TENM2: variants seen among roughly 807,000 people sequenced by gnomAD.
The protein encoded by TENM2 is teneurin-2.
TENM2 carries 52 observed loss-of-function variants against 245.2 expected under a neutral mutation model. That is an observed-to-expected ratio of 0.21 (90% CI 0.17 to 0.27). The LOEUF is 0.27. Among genes scored for constraint, TENM2 ranks in the 10% least tolerant of loss-of-function variants. The pLI is 1.00. For missense variants in TENM2, 3,046 were observed against 3,666.8 expected (o/e 0.83, Z 4.37); for synonymous variants, 1,363 against 1,438.9 (o/e 0.95, Z 1.19).
intron 2 of TENM2, among the ~76,000 whole-genome samples, chr5:167,437,309 G>A (rs1053113153): frequency 5.3e-5 from 8 of 152,156 alleles, no homozygotes; most frequent in African/African-American, 1.7e-4. Context: ...GCCAGATTTC[G>A]GACTTGCATA....
At chr5:167,521,393 A>G (rs1218160151) in intron 2 of TENM2, among the ~76,000 whole-genome samples, 2 of 152,188 alleles carry the variant, frequency 1.3e-5, no homozygotes, top group Non-Finnish European at 2.9e-5. Context: ...ATTTTGAATT[A>G]GGGCATATCC....
At chr5:168,212,601 G>A (rs1415228399) in intron 20 of TENM2, among the ~76,000 whole-genome samples, 1 of 152,174 alleles carries the variant, frequency 6.6e-6, no homozygotes, top group African/African-American at 2.4e-5. Flanking sequence ...TAGACAAAAA[G>A]TAGAGTCAAA....
chr5:167,696,428 A>G (rs138936380), intron 2 of TENM2, among the ~76,000 whole-genome samples: 1,675 of 152,298 alleles, frequency 0.011, 26 homozygotes, highest in Non-Finnish European at 0.013. Context: ...TAGTAGTTCC[A>G]TTGTCTCCCT....
chr5:168,208,340 G>A (rs1044685159), intron 19 of TENM2, among the ~76,000 whole-genome samples: 2 of 151,754 alleles, frequency 1.3e-5, no homozygotes, highest in African/African-American at 2.4e-5. Flanking sequence ...CAACTAAACC[G>A]CTTCTCCATG....
intron 3 of TENM2, among the ~76,000 whole-genome samples, chr5:167,890,514 T>C (rs1583291410): frequency 6.6e-6 from 1 of 152,204 alleles, no homozygotes; most frequent in Non-Finnish European, 1.5e-5. Flanking sequence ...CTGCTTGGTA[T>C]TATTTTTAAA....
At chr5:168,199,599 A>T (rs943730234) in intron 16 of TENM2, among the ~76,000 whole-genome samples, 4 of 152,236 alleles carry the variant, frequency 2.6e-5, no homozygotes, top group Admixed American at 2.0e-4. Flanking sequence ...TCTTTTGCCA[A>T]CAGTGTGGCT....
chr5:168,064,716 T>C (rs2152106412), intron 7 of TENM2, among the ~76,000 whole-genome samples: 1 of 152,266 alleles, frequency 6.6e-6, no homozygotes, highest in South Asian at 2.1e-4. Context: ...GGAAGGGAAA[T>C]GAATAGGCAT....
chr5:168,158,190 G>T (rs933545219), intron 12 of TENM2, among the ~76,000 whole-genome samples: 2 of 151,980 alleles, frequency 1.3e-5, no homozygotes, highest in Admixed American at 6.6e-5. Flanking sequence ...CCCAAAGTGG[G>T]TTTTTTTAAA....
intron 2 of TENM2, among the ~76,000 whole-genome samples, chr5:167,661,384 G>T (rs1286623685): frequency 6.6e-6 from 1 of 152,154 alleles, no homozygotes; most frequent in African/African-American, 2.4e-5. Flanking sequence ...GTTGGGTTAA[G>T]AAAATCTATT....
chr5:167,578,527 C>G (rs1774867743), intron 2 of TENM2, among the ~76,000 whole-genome samples: 1 of 152,152 alleles, frequency 6.6e-6, no homozygotes, highest in Non-Finnish European at 1.5e-5. Context: ...ATAAGAAAAA[C>G]CTTCACCATT....
At chr5:167,420,799 C>T (rs898873360) in intron 2 of TENM2, among the ~76,000 whole-genome samples, 1 of 152,134 alleles carries the variant, frequency 6.6e-6, no homozygotes, top group African/African-American at 2.4e-5. Flanking sequence ...TCACCCTGTC[C>T]CTACTGGAAT....
intron 3 of TENM2, among the ~76,000 whole-genome samples, chr5:167,904,515 G>C (rs73372716): frequency 0.024 from 3,726 of 152,172 alleles, 158 homozygotes; most frequent in African/African-American, 0.084. Context: ...ATAACAATAA[G>C]TACAGAGTCC....
the TENM2 span, among the ~76,000 whole-genome samples, chr5:167,058,575 A>C: frequency 6.6e-6 from 1 of 152,102 alleles, no homozygotes; most frequent in African/African-American, 2.4e-5. Context: ...CTTGGTTAAC[A>C]TAGCAAGACC....
intron 4 of TENM2, among the ~76,000 whole-genome samples, chr5:167,986,430 G>A (rs1336022291): frequency 2.0e-5 from 3 of 152,172 alleles, no homozygotes; most frequent in African/African-American, 7.2e-5. Context: ...ACAGAATGCT[G>A]GGTGCTGTGA....
At chr5:168,192,096 C>G in intron 14 of TENM2, among the ~76,000 whole-genome samples, 1 of 152,172 alleles carries the variant, frequency 6.6e-6, no homozygotes, top group East Asian at 1.9e-4. Flanking sequence ...GGCTCGTAAA[C>G]CTCATTTTCT....
chr5:167,891,383 C>A (rs918959180), intron 3 of TENM2, among the ~76,000 whole-genome samples: 13 of 152,282 alleles, frequency 8.5e-5, no homozygotes, highest in African/African-American at 2.9e-4. Context: ...TGAAGTGATT[C>A]TCCTGCCTCA....
At chr5:167,409,502 G>A (rs1045188870) in intron 2 of TENM2, among the ~76,000 whole-genome samples, 17 of 151,844 alleles carry the variant, frequency 1.1e-4, no homozygotes, top group African/African-American at 4.1e-4. Flanking sequence ...CTAAAAATTG[G>A]CTTACACATT....
At chr5:167,454,899 A>G (rs1333498155) in intron 2 of TENM2, among the ~76,000 whole-genome samples, 3 of 152,166 alleles carry the variant, frequency 2.0e-5, no homozygotes, top group African/African-American at 7.2e-5. Flanking sequence ...CCTCTCCCAA[A>G]TGATGTTGAC....
rs766711708 is a variant in TENM2 at position 168,247,254 on chromosome 5, C to T, written c.6315C>T (p.Pro2105=). Reference sequence around the variant, plus strand: ...GCTTCCGCATCGCAAGCATCAAGCCCGTCATAAGTGAGACTCCCCTCCCCG... The same window carrying T: ...GCTTCCGCATCGCAAGCATCAAGCCTGTCATAAGTGAGACTCCCCTCCCCG... Residue 2105 remains proline (P), a synonymous_variant, in exon 27 of 29, where the codon CCC becomes CCT. Transcript: ENST00000518659. The surrounding 1 kb of genome is among the most constrained non-coding windows in gnomAD (Gnocchi z 7.8). The T allele has an allele frequency of 1.8e-5, 29 of 1,613,804 alleles. No individual in the cohort carries two copies. Among genetic ancestry groups the T allele is most frequent in the African/African-American group, 6.7e-5 (5 of 74,906 alleles).
Sources: allele counts gnomAD v4.1 joint callset (sites outside exome capture counted in the v4.1 genomes callset), GRCh38; gene constraint gnomAD v4.1.1; non-coding constraint Gnocchi (gnomAD v3.1); transcripts MANE v1.5; gene names NCBI Gene and HGNC (gene_info 2026-07-23, HGNC 2026-07-21).